Variants in APLF observed in about 807,000 individuals in gnomAD.
APLF encodes the protein aprataxin and PNK-like factor.
APLF carries 61 observed loss-of-function variants against 55.6 expected under a neutral mutation model. The observed-to-expected ratio is 1.10, with a 90% confidence interval of 0.89 to 1.36. The LOEUF is 1.36. APLF is among the 40% of genes most tolerant of loss of function. APLF has a pLI of 0.00. For missense variants in APLF, 611 were observed against 602.5 expected (o/e 1.01, Z -0.15); for synonymous variants, 207 against 214.8 (o/e 0.96, Z 0.32).
rs1260754468 is a variant in APLF at position 68,578,475 on chromosome 2, A to C, written c.*453A>C. The stretch of plus-strand genomic sequence containing the variant: ...AGCAGAACCAGGCTTTAAAAAATGC[A>C]GCCATTACATAATGGCGTTTTTTTT... On this transcript the variant is annotated 3_prime_UTR_variant, in exon 10 of 10. Transcript: ENST00000303795. The C allele has an allele frequency of 3.0e-6, 3 of 987,256 alleles. No homozygotes were observed. The African/African-American group carries it at 5.2e-5, about 17-fold the overall frequency. The allele number at this position is 987,256 out of a possible 1,614,324, so 61.2% of individuals were successfully genotyped here. A position where few individuals can be genotyped will look rare whatever the true frequency, so the allele number is the denominator to read the frequency against.
At chr2:68,518,663 A>G (rs1173119399) in intron 5 of APLF, among the ~76,000 whole-genome samples, 1 of 126,082 alleles carries the variant, frequency 7.9e-6, no homozygotes, top group East Asian at 2.3e-4. Flanking sequence ...TGAATATATA[A>G]TAAATCAATA....
At chr2:68,493,027 G>A (rs925832674) in intron 2 of APLF, among the ~76,000 whole-genome samples, 3 of 152,190 alleles carry the variant, frequency 2.0e-5, no homozygotes, top group African/African-American at 7.2e-5. Context: ...GAATGGGAAT[G>A]AGAGCCCAGG....
intron 5 of APLF, among the ~76,000 whole-genome samples, chr2:68,520,949 G>A (rs1419852556): frequency 6.6e-6 from 1 of 151,992 alleles, no homozygotes; most frequent in African/African-American, 2.4e-5. Context: ...CGATCCATAA[G>A]CATGTGATAT....
chr2:68,525,727 T>C (rs1032565592), intron 5 of APLF, among the ~76,000 whole-genome samples: 1 of 149,620 alleles, frequency 6.7e-6, no homozygotes, highest in Non-Finnish European at 1.5e-5. Context: ...TTTATCCTTT[T>C]TATTTTCTTT....
At chr2:68,502,419 T>A (rs1558533845) in intron 2 of APLF, among the ~76,000 whole-genome samples, 1 of 152,142 alleles carries the variant, frequency 6.6e-6, no homozygotes, top group Non-Finnish European at 1.5e-5. Flanking sequence ...TCTTGTGATG[T>A]CTAGTTGTCT....
At chr2:68,544,528 TATG>T (rs1385400495) in intron 7 of APLF, among the ~76,000 whole-genome samples, 1 of 152,216 alleles carries the variant, frequency 6.6e-6, no homozygotes, top group Non-Finnish European at 1.5e-5. Context: ...GACATGTTAT[TATG>T]ATAATATGTA....
At chr2:68,471,625 A>AG (rs1193732183) in intron 1 of APLF, among the ~76,000 whole-genome samples, 1 of 152,216 alleles carries the variant, frequency 6.6e-6, no homozygotes, top group Non-Finnish European at 1.5e-5. Flanking sequence ...GAAGGCCACA[A>AG]GGAGAGGGTC....
chr2:68,516,476 G>T (rs1010901723), intron 5 of APLF, among the ~76,000 whole-genome samples: 1 of 150,960 alleles, frequency 6.6e-6, no homozygotes, highest in Non-Finnish European at 1.5e-5. Flanking sequence ...TGTGAAACAG[G>T]TGGTGTTTGG....
At chr2:68,525,742 CTTTTTT>C (rs386390398) in intron 5 of APLF, among the ~76,000 whole-genome samples, 5 of 82,036 alleles carry the variant, frequency 6.1e-5, no homozygotes, top group African/African-American at 1.2e-4. Context: ...TTCTTTCTTT[CTTTTTT>C]TTTTTTTTTT....
In APLF at chr2:68,569,947, G is replaced by A. The variant is rs567798604; in HGVS notation, c.1333+2560G>A. Among the ~76,000 whole-genome samples, 11 of 152,100 alleles carry A rather than the reference G, an allele frequency of 7.2e-5. No homozygotes were observed. The East Asian group carries it at 1.5e-3, about 21-fold the overall frequency. Reference sequence around the variant, plus strand: ...TTCATTTAAACATGTTGAATTTGAGGTGGGGGTATCATAAGAACATATATA... The same window carrying A: ...TTCATTTAAACATGTTGAATTTGAGATGGGGGTATCATAAGAACATATATA... On this transcript the variant is annotated intron_variant, in intron 9 of 9. Coordinates refer to ENST00000303795, the MANE Select transcript of APLF (RefSeq NM_173545.3).
At chr2:68,507,638 A>G (rs1558535324) in intron 3 of APLF, among the ~76,000 whole-genome samples, 1 of 151,978 alleles carries the variant, frequency 6.6e-6, no homozygotes, top group Admixed American at 6.6e-5. Context: ...CATTTCACTT[A>G]GAAGCACTAA....
intron 5 of APLF, among the ~76,000 whole-genome samples, chr2:68,524,844 AGAG>A (rs1400358933): frequency 6.6e-6 from 1 of 152,258 alleles, no homozygotes; most frequent in Non-Finnish European, 1.5e-5. Context: ...ACTCTCGAGT[AGAG>A]GAGAAGGACA....
In APLF at chr2:68,547,180, A is replaced by T. The variant is rs141925437; in HGVS notation, c.1286+1868A>T. ...TTAGGAATAAATATAAAAGGCGTAG[A>T]AACCTCTATGAAGAAAACTATAAAA... On this transcript the variant is annotated intron_variant, in intron 8 of 9. Transcript: ENST00000303795. Among the ~76,000 whole-genome samples the T allele has an allele frequency of 2.3e-3, 342 of 151,924 alleles. 2 individuals carry two copies. Among genetic ancestry groups the T allele is most frequent in the African/African-American group, 7.7e-3 (320 of 41,554 alleles).
chr2:68,517,323 T>G (rs1398323162), intron 5 of APLF, among the ~76,000 whole-genome samples: 1 of 68,634 alleles, frequency 1.5e-5, no homozygotes, highest in Admixed American at 1.4e-4. Context: ...TATTAATATA[T>G]GTCATTACTA....
chr2:68,492,959 A>G lies in APLF; in HGVS notation c.168+2698A>G, dbSNP rs146649117. Among the ~76,000 whole-genome samples, 707 of 152,272 alleles carry G rather than the reference A, an allele frequency of 4.6e-3. 20 individuals carry two copies. The highest frequency in any genetic ancestry group is 0.036 in the Admixed American group (549 of 15,288). ...CTTTTTCGAGTACCTTTTTTTGACAACTTAGAATGTCATAGCCTTCTGGAG... is the reference window on the plus strand; with the variant it reads ...CTTTTTCGAGTACCTTTTTTTGACAGCTTAGAATGTCATAGCCTTCTGGAG... On this transcript the variant is annotated intron_variant, in intron 2 of 9. Coordinates refer to ENST00000303795, the MANE Select transcript of APLF (RefSeq NM_173545.3).
At chr2:68,526,013 T>G (rs202151025) in intron 5 of APLF, 48 bp from the exon 6 acceptor site, 1 of 1,521,558 alleles carries the variant, frequency 6.6e-7, no homozygotes, top group Non-Finnish European at 8.9e-7. Context: ...ATTATTGACA[T>G]TTGAAGATAC....
At chr2:68,534,432 A>C (rs1190857521) in intron 6 of APLF, among the ~76,000 whole-genome samples, 1 of 152,166 alleles carries the variant, frequency 6.6e-6, no homozygotes, top group Non-Finnish European at 1.5e-5. Context: ...AAACAGCAAT[A>C]AATTACTTGA....
chr2:68,501,130 C>G (rs1676707365), intron 2 of APLF, among the ~76,000 whole-genome samples: 2 of 152,124 alleles, frequency 1.3e-5, no homozygotes, highest in Admixed American at 1.3e-4. Flanking sequence ...TTTTAAATTT[C>G]TACCTCTGCT....
intron 1 of APLF, among the ~76,000 whole-genome samples, chr2:68,468,159 TCTA>T (rs1178644367): frequency 1.3e-5 from 2 of 152,044 alleles, no homozygotes; most frequent in Non-Finnish European, 2.9e-5. Context: ...AAACAAAAAA[TCTA>T]CTAATTTTTC....
Sources: allele counts gnomAD v4.1 joint callset (sites outside exome capture counted in the v4.1 genomes callset), GRCh38; gene constraint gnomAD v4.1.1; transcripts MANE v1.5; gene names NCBI Gene and HGNC (gene_info 2026-07-23, HGNC 2026-07-21).